The following FBXO11 variants were observed in gnomAD, a reference collection of about 807,000 sequenced individuals.
FBXO11 encodes the protein F-box protein 11.
Under a neutral mutation model 117.0 loss-of-function variants are expected in FBXO11, and 13 were observed. That is an observed-to-expected ratio of 0.11 (90% CI 0.07 to 0.18). The LOEUF is 0.18. Among genes scored for constraint, FBXO11 ranks in the 10% least tolerant of loss-of-function variants. FBXO11 has a pLI of 1.00. For missense variants in FBXO11, 767 were observed against 1,164.4 expected (o/e 0.66, Z 4.97); for synonymous variants, 490 against 380.5 (o/e 1.29, Z -3.35).
At chr2:47,841,846 G>T (rs1673033582) in intron 1 of FBXO11, among the ~76,000 whole-genome samples, 5 of 151,740 alleles carry the variant, frequency 3.3e-5, no homozygotes, top group Admixed American at 3.3e-4. Flanking sequence ...TCACCATGTT[G>T]GCCAGGATGG....
intron 1 of FBXO11, among the ~76,000 whole-genome samples, chr2:47,857,592 A>T (rs1418047799): frequency 6.6e-6 from 1 of 152,212 alleles, no homozygotes. Context: ...GGTAGATTTC[A>T]TAGCAGGGAT....
At chr2:47,831,859 T>G (rs960283680) in intron 11 of FBXO11, among the ~76,000 whole-genome samples, 3 of 152,202 alleles carry the variant, frequency 2.0e-5, no homozygotes, top group African/African-American at 7.2e-5. Context: ...ATTAAAGTTC[T>G]GCCAGTTTAA....
chr2:47,841,084 G>C (rs1208870536), intron 1 of FBXO11, among the ~76,000 whole-genome samples: 1 of 151,824 alleles, frequency 6.6e-6, no homozygotes, highest in African/African-American at 2.4e-5. Flanking sequence ...CGTAGTCCCA[G>C]CTACTCAGGA....
In FBXO11 at chr2:47,816,162, A is replaced by G. The variant is rs371655847; in HGVS notation, c.2007-2295T>C. On this transcript the variant is annotated intron_variant, in intron 16 of 22. Transcript: ENST00000403359. Reference sequence around the variant, plus strand: ...AAAAGCTCAACATTTGGCTCAGGGCATAACTGCAATTTTTTTTTGTTTTGT... The same window carrying G: ...AAAAGCTCAACATTTGGCTCAGGGCGTAACTGCAATTTTTTTTTGTTTTGT... Among the ~76,000 whole-genome samples the G allele has an allele frequency of 2.4e-4, 37 of 152,264 alleles. No homozygotes were observed. The South Asian group carries it at 6.4e-3, about 26-fold the overall frequency.
chr2:47,847,682 T>C (rs1673524435), intron 1 of FBXO11, among the ~76,000 whole-genome samples: 1 of 150,662 alleles, frequency 6.6e-6, no homozygotes, highest in East Asian at 2.0e-4. Context: ...CCAGCCTGGG[T>C]GACAGAGCGA....
intron 1 of FBXO11, among the ~76,000 whole-genome samples, chr2:47,886,646 C>T (rs1676874720): frequency 6.6e-6 from 1 of 151,970 alleles, no homozygotes; most frequent in Non-Finnish European, 1.5e-5. Flanking sequence ...CATTGTGGTA[C>T]ATTCATGTAA....
At position 47,891,749 on chromosome 2, in the gene FBXO11, G is replaced by C. The variant is rs529007021; in HGVS notation, c.232+13740C>G. On this transcript the variant is annotated intron_variant, in intron 1 of 22. Transcript: ENST00000403359. ...TGCATTTCTACCAACAGTGTATAAG[G>C]GGTTCAATTTCTACGTATCTTCACC... Among the ~76,000 whole-genome samples, 47 of 152,014 alleles carry C rather than the reference G, an allele frequency of 3.1e-4. 1 individual carries two copies. In the South Asian group the frequency reaches 9.2e-3, roughly 30 times the overall value.
chr2:47,822,651 C>T (rs77058970), intron 12 of FBXO11, among the ~76,000 whole-genome samples: 10,971 of 152,196 alleles, frequency 0.072, 556 homozygotes, highest in Non-Finnish European at 0.11. Context: ...TTCATAGTGT[C>T]TGATTAGATT....
intron 1 of FBXO11, among the ~76,000 whole-genome samples, chr2:47,896,074 C>A (rs1677643192): frequency 6.6e-6 from 1 of 152,172 alleles, no homozygotes; most frequent in Non-Finnish European, 1.5e-5. Flanking sequence ...ACAACTATTG[C>A]TAACACAAAT....
At chr2:47,832,246 T>C (rs1558423050) in intron 11 of FBXO11, 103 bp downstream of exon 11, 1 of 940,080 alleles carries the variant, frequency 1.1e-6, no homozygotes, top group Non-Finnish European at 1.6e-6. Context: ...AAACCTATAC[T>C]CTTCAATTCA....
At chr2:47,869,278 A>C (rs987450907) in intron 1 of FBXO11, among the ~76,000 whole-genome samples, 10 of 152,182 alleles carry the variant, frequency 6.6e-5, no homozygotes, top group Admixed American at 1.3e-4. Context: ...GGCTTTTATC[A>C]AGAGACACAA....
chr2:47,901,571 T>C (rs1024860767), intron 1 of FBXO11, among the ~76,000 whole-genome samples: 16 of 152,124 alleles, frequency 1.1e-4, no homozygotes, highest in Non-Finnish European at 2.1e-4. Flanking sequence ...TGTGGCAATA[T>C]TACCTATTCA....
chr2:47,892,820 A>G (rs1481287402), intron 1 of FBXO11, among the ~76,000 whole-genome samples: 3 of 152,224 alleles, frequency 2.0e-5, no homozygotes, highest in African/African-American at 7.2e-5. Context: ...AGCAAGATTA[A>G]TAACCCCAAC....
At chr2:47,868,083 G>A (rs187700030) in intron 1 of FBXO11, among the ~76,000 whole-genome samples, 79 of 152,154 alleles carry the variant, frequency 5.2e-4, no homozygotes, top group African/African-American at 1.8e-3. Flanking sequence ...CTTACCCACT[G>A]CAAATCCCTG....
chr2:47,844,573 C>A (rs1245152973), intron 1 of FBXO11, among the ~76,000 whole-genome samples: 1 of 152,168 alleles, frequency 6.6e-6, no homozygotes, highest in East Asian at 1.9e-4. Flanking sequence ...ATTTCTGATA[C>A]CTATGAATTT....
chr2:47,904,086 T>C (rs1169482137), intron 1 of FBXO11, among the ~76,000 whole-genome samples: 3 of 152,170 alleles, frequency 2.0e-5, no homozygotes, highest in African/African-American at 4.8e-5. Context: ...CCGATTAACA[T>C]CTCCCTCCTT....
intron 1 of FBXO11, among the ~76,000 whole-genome samples, chr2:47,868,282 CAAAA>C (rs371849610): frequency 6.2e-5 from 5 of 80,538 alleles, no homozygotes; most frequent in South Asian, 9.8e-4. Context: ...ACTCTACCTC[CAAAA>C]AAAAAAAAAA....
chr2:47,809,769 A>T, intron 19 of FBXO11, 62 bp from the exon 20 acceptor site: 1 of 1,062,810 alleles, frequency 9.4e-7, no homozygotes, highest in Non-Finnish European at 1.4e-6. Context: ...AAAACCTGAA[A>T]TTAGCAAGCA....
chr2:47,841,358 T>G (rs1221670202), intron 1 of FBXO11, among the ~76,000 whole-genome samples: 1 of 152,198 alleles, frequency 6.6e-6, no homozygotes, highest in Non-Finnish European at 1.5e-5. Context: ...GATAATAAAA[T>G]TAGAGAATCA....
Sources: allele counts gnomAD v4.1 joint callset (sites outside exome capture counted in the v4.1 genomes callset), GRCh38; gene constraint gnomAD v4.1.1; transcripts MANE v1.5; gene names NCBI Gene and HGNC (gene_info 2026-07-23, HGNC 2026-07-21).